SRSF4: variants seen among roughly 807,000 people sequenced by gnomAD.
SRSF4 encodes the protein serine/arginine-rich splicing factor 4.
Under a neutral mutation model 48.8 loss-of-function variants are expected in SRSF4, and 12 were observed. The ratio of observed to expected loss-of-function variants is 0.25; its 90% confidence interval spans 0.16 to 0.40. The LOEUF is 0.40. Among genes scored for constraint, SRSF4 ranks in the 10% least tolerant of loss-of-function variants. The pLI is 1.00. For synonymous variants in SRSF4, 248 were observed against 232.5 expected, an observed-to-expected ratio of 1.07 and a Z score of -0.61; for missense variants, 466 against 667.1, an observed-to-expected ratio of 0.70 and a Z score of 3.32.
rs778131629 is a variant in SRSF4 at position 29,150,199 on chromosome 1, G to T, written c.579-7C>A. The T allele has an allele frequency of 6.2e-7, 1 of 1,612,666 alleles. No homozygotes were observed. The highest frequency in any genetic ancestry group is 8.5e-7 in the Non-Finnish European group (1 of 1,179,154). On this transcript the variant is annotated splice_region_variant and splice_polypyrimidine_tract_variant and intron_variant, in intron 4 of 5. Coordinates refer to ENST00000373795, the MANE Select transcript of SRSF4 (RefSeq NM_005626.5). ...TCTGCTTCGAGAGCGAGACCTAGGG[G>T]GAGAAAATATTTTTTAATACTTGCT...
chr1:29,161,778 T>C (rs471895), intron 1 of SRSF4, among the ~76,000 whole-genome samples: 30,287 of 152,120 alleles, frequency 0.2, 3,575 homozygotes, highest in Non-Finnish European at 0.28. Flanking sequence ...TTTGTATTTT[T>C]AGTAGAGACA....
rs370300021 is a variant in SRSF4, at chr1:29,148,946, C to G, written c.949G>C (p.Val317Leu). The stretch of plus-strand genomic sequence containing the variant: ...TTCTCCTGGCTCCTGCCCCTGCTCA[C>G]ACTCCCTCGCTTCTCCTCCTCCACT... ...RRVEEEKRGS[V>L]SRGRSQEKSL... is the part of the protein sequence containing the mutation. The change falls in exon 6 of 6, where the codon GTG becomes CTG. Residue 317 changes from valine (V) to leucine (L), a missense_variant. Transcript: ENST00000373795. The G allele has an allele frequency of 6.2e-7, 1 of 1,613,192 alleles. No homozygotes were observed. The highest frequency in any genetic ancestry group is 8.5e-7 in the Non-Finnish European group (1 of 1,179,800).
intron 1 of SRSF4, among the ~76,000 whole-genome samples, chr1:29,179,191 G>A (rs1369642309): frequency 6.6e-6 from 1 of 152,020 alleles, no homozygotes; most frequent in Non-Finnish European, 1.5e-5. Flanking sequence ...TCTAATAGTC[G>A]TTGTTTCTGG....
intron 1 of SRSF4, among the ~76,000 whole-genome samples, chr1:29,177,445 C>T (rs1296628201): frequency 4.6e-5 from 7 of 152,094 alleles, no homozygotes; most frequent in Admixed American, 4.6e-4. Context: ...CGACGCCCGG[C>T]TAACTTTGTA....
Position 29,148,192 on chromosome 1 carries a change from G to C in SRSF4, c.*218C>G. ...ATTCTACTGTGGGCCATGAGTAAAA[G>C]GGGATTTTCAAAGAGAAAATTTTTT... On this transcript the variant is annotated 3_prime_UTR_variant, in exon 6 of 6. Transcript: ENST00000373795. 1.4e-6 allele frequency: 1 copy of C among 715,854 alleles called. No individual in the cohort carries two copies. The highest frequency in any genetic ancestry group is 2.0e-5 in the Admixed American group (1 of 49,022). The allele number at this position is 715,854 out of a possible 1,614,324, so 44.3% of individuals were successfully genotyped here.
At chr1:29,179,094 T>C (rs942727626) in intron 1 of SRSF4, among the ~76,000 whole-genome samples, 4 of 152,206 alleles carry the variant, frequency 2.6e-5, no homozygotes, top group East Asian at 3.9e-4. Flanking sequence ...TTTCCTCTTA[T>C]CGCTCCATCT....
At chr1:29,167,017 T>C (rs2151818718) in intron 1 of SRSF4, 1 of 152,374 alleles carries the variant, frequency 6.6e-6, no homozygotes, top group South Asian at 2.1e-4. Context: ...ATCTTATTGG[T>C]TACCCACTGG....
Position 29,175,694 on chromosome 1 carries a change from C to CAAAAAAA in SRSF4, c.107+5945_107+5951dup, listed in dbSNP as rs60942124. 7.6e-3 allele frequency among the ~76,000 whole-genome samples: 295 copies of CAAAAAAA among 38,574 alleles called. 34 individuals are homozygous for CAAAAAAA. The Middle Eastern group carries it at 0.079, about 10-fold the overall frequency. The allele number at this position is 38,574 out of a possible 152,430, so 25.3% of individuals were successfully genotyped here. On this transcript the variant is annotated intron_variant, in intron 1 of 5. Coordinates refer to ENST00000373795, the MANE Select transcript of SRSF4 (RefSeq NM_005626.5). ...TGGGCGACAGAGCCAGACGCTGTCTCAAAAAAAAAAAAAAAAAAAAAAAAA... is the reference window on the plus strand; with the variant it reads ...TGGGCGACAGAGCCAGACGCTGTCTCAAAAAAAAAAAAAAAAAAAAAAAAAAAAAAAA...
At chr1:29,177,156 T>G (rs561996190) in intron 1 of SRSF4, among the ~76,000 whole-genome samples, 1 of 152,116 alleles carries the variant, frequency 6.6e-6, no homozygotes, top group East Asian at 1.9e-4. Flanking sequence ...ATAAAATCTA[T>G]ATACAATCAA....
rs181541349 is a variant in SRSF4 at position 29,178,406 on chromosome 1, C to T, written c.107+3240G>A. Among the ~76,000 whole-genome samples the T allele has an allele frequency of 5.3e-3, 765 of 145,278 alleles. 8 individuals are homozygous for T. The highest frequency in any genetic ancestry group is 0.019 in the African/African-American group (725 of 39,142). ...TCGCCCAGGCTGGAGTGCAGTGGCA[C>T]GATCTCGGCTCACTGCAAGCTCCAC... is the stretch of plus-strand genomic sequence containing the variant. On this transcript the variant is annotated intron_variant, in intron 1 of 5. Transcript: ENST00000373795.
At chr1:29,150,809 T>C (rs1558386466) in intron 4 of SRSF4, among the ~76,000 whole-genome samples, 1 of 152,140 alleles carries the variant, frequency 6.6e-6, no homozygotes. Flanking sequence ...GACTCCCCCG[T>C]CTTTCCCCTA....
chr1:29,152,025 C>T (rs1013248089), intron 4 of SRSF4, among the ~76,000 whole-genome samples: 2 of 152,124 alleles, frequency 1.3e-5, no homozygotes, highest in African/African-American at 4.8e-5. Context: ...CGTCTGTAAT[C>T]TCAGCACTTT....
chr1:29,173,263 A>C (rs1355816612), intron 1 of SRSF4: 6 of 147,648 alleles, frequency 4.1e-5, no homozygotes, highest in African/African-American at 1.5e-4. Flanking sequence ...TCAACCTCCC[A>C]AGTAGCTGGG....
At chr1:29,162,528 A>G (rs1672615365) in intron 1 of SRSF4, among the ~76,000 whole-genome samples, 1 of 152,186 alleles carries the variant, frequency 6.6e-6, no homozygotes, top group Non-Finnish European at 1.5e-5. Flanking sequence ...AACAACAACA[A>G]AAGTGCCCTC....
intron 4 of SRSF4, among the ~76,000 whole-genome samples, chr1:29,150,739 T>C (rs1370592784): frequency 6.6e-6 from 1 of 152,192 alleles, no homozygotes; most frequent in Non-Finnish European, 1.5e-5. Context: ...GGGCTCCTTA[T>C]GTGCACTGAT....
In SRSF4 at chr1:29,160,413, C is replaced by T. The variant is rs779850695; in HGVS notation, c.212G>A (p.Arg71His). 1.2e-6 allele frequency: 2 copies of T among 1,613,828 alleles called. No individual in the cohort carries two copies. The highest frequency in any genetic ancestry group is 1.7e-6 in the Non-Finnish European group (2 of 1,179,920). The change falls in exon 2 of 6, where the codon CGC (arginine) becomes CAC (histidine). Residue 71 changes from arginine (R) to histidine (H), a missense_variant. Coordinates refer to ENST00000373795, the MANE Select transcript of SRSF4 (RefSeq NM_005626.5). ...GTAACTGCCATCTCGCCGTGGGCCG[C>T]GGGCATGCTCAACAATTACTCGCTC... ...CGERVIVEHA[R>H]GPRRDGSYGS...
At position 29,160,740 on chromosome 1, in the gene SRSF4, G is replaced by C. The variant is rs555858827; in HGVS notation, c.108-223C>G. ...AAAGTAGACTCCTATCTTTCTAGGA[G>C]GAGGCTGGCTACATACACAGGACAC... On this transcript the variant is annotated intron_variant, in intron 1 of 5. Transcript: ENST00000373795. Among the ~76,000 whole-genome samples the C allele has an allele frequency of 2.0e-5, 3 of 152,330 alleles. No homozygotes were observed. In the South Asian group the frequency reaches 6.2e-4, roughly 32 times the overall value.
intron 4 of SRSF4, 84 bp from the exon 5 acceptor site, chr1:29,150,276 A>AGTC: frequency 1.5e-6 from 1 of 688,396 alleles, no homozygotes; most frequent in Non-Finnish European, 2.0e-6. Flanking sequence ...TTATATATAT[A>AGTC]TATTTTAGAT....
chr1:29,180,772 C>T (rs1672943263), intron 1 of SRSF4, among the ~76,000 whole-genome samples: 1 of 152,202 alleles, frequency 6.6e-6, no homozygotes, highest in Admixed American at 6.6e-5. Flanking sequence ...ACAGTTTTCC[C>T]TAAAACCTGT....
Sources: gnomAD v4.1 joint callset for allele counts (sites outside exome capture counted in the v4.1 genomes callset) on GRCh38, gnomAD v4.1.1 for gene constraint, MANE v1.5 for transcripts, NCBI Gene and HGNC (gene_info 2026-07-23, HGNC 2026-07-21) for gene names.